Variants in TNFRSF10B observed in about 807,000 individuals in gnomAD.
TNFRSF10B encodes the protein TNF receptor superfamily member 10b, also known as tumor necrosis factor receptor superfamily member 10B.
Under a neutral mutation model 41.4 loss-of-function variants are expected in TNFRSF10B, and 35 were observed. The ratio of observed to expected loss-of-function variants is 0.85; its 90% CI spans 0.65 to 1.12. TNFRSF10B has a LOEUF of 1.12. TNFRSF10B is among the 50% of genes most tolerant of loss of function. TNFRSF10B has a pLI of 0.00. For synonymous variants in TNFRSF10B, 230 were observed against 215.5 expected (o/e 1.07, Z -0.59); for missense variants, 584 against 552.7 (o/e 1.06, Z -0.57).
intron 1 of TNFRSF10B, among the ~76,000 whole-genome samples, chr8:23,056,417 C>T (rs1425974406): frequency 2.6e-5 from 4 of 151,898 alleles, no homozygotes; most frequent in Admixed American, 6.6e-5. Context: ...TTTGGGAGGC[C>T]GAGGCGGGCG....
chr8:23,058,631 AT>A (rs1812738560), intron 1 of TNFRSF10B, among the ~76,000 whole-genome samples: 1 of 152,024 alleles, frequency 6.6e-6, no homozygotes, highest in African/African-American at 2.4e-5. Context: ...GACTACAGGC[AT>A]GCATCACAAT....
chr8:23,040,271 A>G lies in TNFRSF10B; in HGVS notation c.250+2867T>C, dbSNP rs1812136824. Among the ~76,000 whole-genome samples, 2 of 125,238 alleles carry G rather than the reference A, an allele frequency of 1.6e-5. 1 individual carries two copies. The highest frequency in any genetic ancestry group is 6.1e-4 in the South Asian group (2 of 3,304). The allele number at this position is 125,238 out of a possible 152,430, so 82.2% of individuals were successfully genotyped here. On this transcript the variant is annotated intron_variant, in intron 2 of 8. Coordinates refer to ENST00000276431, the MANE Select transcript of TNFRSF10B (RefSeq NM_003842.5). ...ATTTAAATATATATTTATTAAATAT[A>G]TATATAATATATATTTATTAAATAT...
rs1811862621 is a variant in TNFRSF10B, at chr8:23,030,880, G to T, written c.251-8C>A. 7 of 1,598,342 alleles carry T rather than the reference G, an allele frequency of 4.4e-6. No homozygotes were observed. The highest frequency in any genetic ancestry group is 1.3e-5 in the African/African-American group (1 of 74,600). Reference sequence around the variant, plus strand: ...CTTCTGAGATATGGTGTCCTGGGAGGGGAGAGAAAAGCCGGTGAATGAAAT... The same window carrying T: ...CTTCTGAGATATGGTGTCCTGGGAGTGGAGAGAAAAGCCGGTGAATGAAAT... On this transcript the variant is annotated splice_region_variant and splice_polypyrimidine_tract_variant and intron_variant, in intron 2 of 8. Transcript: ENST00000276431.
chr8:23,028,122 G>A (rs1018719519), intron 5 of TNFRSF10B: 12 of 661,554 alleles, frequency 1.8e-5, no homozygotes, highest in Middle Eastern at 4.2e-4. Flanking sequence ...GAGATATGGG[G>A]ACCCCCAGAC....
intron 1 of TNFRSF10B, among the ~76,000 whole-genome samples, chr8:23,049,483 C>T (rs1390340151): frequency 6.6e-6 from 1 of 152,168 alleles, no homozygotes; most frequent in East Asian, 1.9e-4. Context: ...AGGGTAATCA[C>T]CCCAGCACCT....
At chr8:23,059,720 G>A (rs1239920572) in intron 1 of TNFRSF10B, among the ~76,000 whole-genome samples, 2 of 151,984 alleles carry the variant, frequency 1.3e-5, no homozygotes, top group Non-Finnish European at 2.9e-5. Context: ...CACCATGTTA[G>A]CCAGGATGGT....
chr8:23,023,669 A>G (rs1402196533), intron 8 of TNFRSF10B, among the ~76,000 whole-genome samples: 1 of 152,248 alleles, frequency 6.6e-6, no homozygotes, highest in Non-Finnish European at 1.5e-5. Context: ...ATCAGAAACA[A>G]GTGACATTCA....
chr8:23,057,785 C>T (rs1812714862), intron 1 of TNFRSF10B, among the ~76,000 whole-genome samples: 1 of 152,190 alleles, frequency 6.6e-6, no homozygotes, highest in South Asian at 2.1e-4. Flanking sequence ...GATGAATTAA[C>T]TCTCTTAACA....
chr8:23,037,503 C>T (rs1299429347), intron 2 of TNFRSF10B, among the ~76,000 whole-genome samples: 3 of 152,232 alleles, frequency 2.0e-5, no homozygotes, highest in African/African-American at 7.2e-5. Flanking sequence ...GCATGCAATG[C>T]TTCTGTCAAA....
chr8:23,030,680 C>T (rs914048279), intron 3 of TNFRSF10B, 79 bp downstream of exon 3: 2 of 1,086,366 alleles, frequency 1.8e-6, no homozygotes, highest in Non-Finnish European at 1.4e-6. Context: ...ATCTAGGTCT[C>T]CTGATCCCAT....
chr8:23,068,915 T>C lies in TNFRSF10B; in HGVS notation c.-21A>G, dbSNP rs755135171. ...TCCATGGCGGTAGGGAACGCTCTTA[T>C]AGTCTCTCAGGCCCGTGGGTTTCAG... On this transcript the variant is annotated 5_prime_UTR_variant, in exon 1 of 9. Transcript: ENST00000276431. The C allele has an allele frequency of 7.4e-6, 12 of 1,613,128 alleles. No homozygotes were observed. In the Admixed American group the frequency reaches 1.0e-4, roughly 13 times the overall value.
chr8:23,045,599 T>C (rs1033725858), intron 1 of TNFRSF10B, among the ~76,000 whole-genome samples: 3 of 152,220 alleles, frequency 2.0e-5, no homozygotes, highest in Admixed American at 6.5e-5. Flanking sequence ...AGGCTTGCAT[T>C]ACCTTGATAC....
intron 7 of TNFRSF10B, among the ~76,000 whole-genome samples, chr8:23,026,416 C>T (rs1290265517): frequency 6.6e-6 from 1 of 152,080 alleles, no homozygotes; most frequent in Non-Finnish European, 1.5e-5. Context: ...AAGAAGGAAA[C>T]AGAGACTCAG....
chr8:23,040,104 CCAGCAGCCATAGGCTGCAGTGA>C (rs1377486704), intron 2 of TNFRSF10B, among the ~76,000 whole-genome samples: 1 of 151,390 alleles, frequency 6.6e-6, no homozygotes, highest in East Asian at 1.9e-4. Context: ...TCGCTTAAAC[CCAGCAGCCATAGGCTGCAGTGA>C]GCTGAGATCG....
At chr8:23,046,936 C>G (rs1812382204) in intron 1 of TNFRSF10B, among the ~76,000 whole-genome samples, 1 of 152,080 alleles carries the variant, frequency 6.6e-6, no homozygotes, top group African/African-American at 2.4e-5. Context: ...TTATCTTACA[C>G]CATATACAAA....
rs770340909 is a variant in TNFRSF10B, at chr8:23,068,869, G to C, written c.26C>G (p.Pro9Arg). The C allele has an allele frequency of 1.1e-5, 17 of 1,613,354 alleles. No homozygotes were observed. Among genetic ancestry groups the C allele is most frequent in the East Asian group, 8.9e-5 (4 of 44,890 alleles). The change falls in exon 1 of 9, where the codon CCG becomes CGG. Residue 9 changes from proline (P) to arginine (R), a missense_variant. Physicochemically the swap from Pro to Arg is moderately radical, Grantham distance 103. Coordinates refer to ENST00000276431, the MANE Select transcript of TNFRSF10B (RefSeq NM_003842.5). MEQRGQNA[P>R]AASGARKRHG... is the part of the protein sequence containing the mutation. Reference sequence around the variant, plus strand: ...CCTTTTCCGGGCCCCCGAAGCGGCCGGGGCGTTCTGTCCCCGTTGTTCCAT... The same window carrying C: ...CCTTTTCCGGGCCCCCGAAGCGGCCCGGGCGTTCTGTCCCCGTTGTTCCAT...
intron 2 of TNFRSF10B, among the ~76,000 whole-genome samples, chr8:23,040,171 C>T (rs1034119425): frequency 6.7e-6 from 1 of 148,522 alleles, no homozygotes; most frequent in African/African-American, 2.5e-5. Context: ...ACAGAGCAGA[C>T]CCTGTCTCAA....
chr8:23,065,739 A>C (rs1031789846), intron 1 of TNFRSF10B, among the ~76,000 whole-genome samples: 1 of 152,186 alleles, frequency 6.6e-6, no homozygotes, highest in African/African-American at 2.4e-5. Flanking sequence ...ATAATGCCCA[A>C]TAGACTTTGA....
chr8:23,029,678 C>T lies in TNFRSF10B; in HGVS notation c.408G>A (p.Val136=). The T allele has an allele frequency of 6.2e-7, 1 of 1,614,042 alleles. No individual in the cohort carries two copies. Among genetic ancestry groups the T allele is most frequent in the Non-Finnish European group, 8.5e-7 (1 of 1,179,978 alleles). The change falls in exon 4 of 9, where the codon GTG becomes GTA. Residue 136 remains valine (V), a synonymous_variant. Transcript: ENST00000276431. ...LSPCTTTRNT[V]CQCEEGTFRE... ...GGAAGGTGCCTTCTTCGCACTGACA[C>T]ACTGTGTTTCTGGTCGTGGTGCAGG...
Sources: gnomAD v4.1 joint callset for allele counts (sites outside exome capture counted in the v4.1 genomes callset) on GRCh38, gnomAD v4.1.1 for gene constraint, MANE v1.5 for transcripts, NCBI Gene and HGNC (gene_info 2026-07-23, HGNC 2026-07-21) for gene names.